ARHGEF3: variants seen among roughly 807,000 people sequenced by gnomAD.
ARHGEF3 encodes Rho guanine nucleotide exchange factor 3.
In ARHGEF3, 28 loss-of-function variants were observed where a neutral mutation model predicts 63.2. The ratio of observed to expected loss-of-function variants is 0.44; its 90% confidence interval spans 0.33 to 0.61. The LOEUF (loss-of-function observed/expected upper bound fraction) is 0.61, where lower values mean the gene tolerates loss of function less well. Ranked by LOEUF, ARHGEF3 falls within the 20% of genes least tolerant of loss-of-function variation. The probability of loss-of-function intolerance (pLI) is 0.03; values close to 1 mark genes in which losing one functional copy is unlikely to be tolerated. For synonymous variants in ARHGEF3, 266 were observed against 254.2 expected, an observed-to-expected ratio of 1.05 and a Z score of -0.44; for missense variants, 533 against 659.3, an observed-to-expected ratio of 0.81 and a Z score of 2.10.
chr3:56,838,078 A>G (rs768305143), intron 4 of ARHGEF3, among the ~76,000 whole-genome samples: 54 of 152,212 alleles, frequency 3.5e-4, no homozygotes, highest in Non-Finnish European at 6.6e-4. Flanking sequence ...TTAAAAATAA[A>G]AACAATGTAA....
At chr3:56,960,128 C>T (rs1449260138) in intron 2 of ARHGEF3, among the ~76,000 whole-genome samples, 2 of 151,366 alleles carry the variant, frequency 1.3e-5, no homozygotes, top group East Asian at 3.9e-4. Flanking sequence ...ATCTTGATTG[C>T]TCTACCATAC....
chr3:57,074,092 A>G (rs376428275), intron 1 of ARHGEF3: 17 of 1,613,934 alleles, frequency 1.1e-5, no homozygotes, highest in Non-Finnish European at 1.4e-5. Context: ...CTTGGTATGG[A>G]AGATGGGGAT....
intron 7 of ARHGEF3, among the ~76,000 whole-genome samples, chr3:56,738,536 A>G (rs1176091070): frequency 1.3e-5 from 2 of 152,152 alleles, no homozygotes; most frequent in Non-Finnish European, 1.5e-5. Flanking sequence ...TAATGGGAAA[A>G]AAGACACCAG....
chr3:56,933,718 A>G (rs896390037), intron 3 of ARHGEF3, among the ~76,000 whole-genome samples: 4 of 152,174 alleles, frequency 2.6e-5, no homozygotes, highest in African/African-American at 9.7e-5. Flanking sequence ...CCATGTCCCA[A>G]TGGAAAAATT....
At chr3:56,989,370 T>A (rs1201511493) in intron 2 of ARHGEF3, among the ~76,000 whole-genome samples, 1 of 152,100 alleles carries the variant, frequency 6.6e-6, no homozygotes, top group Non-Finnish European at 1.5e-5. Flanking sequence ...TACAAGTAAC[T>A]TGGGGAGAGC....
At chr3:56,861,422 T>C (rs2040067947) in intron 4 of ARHGEF3, among the ~76,000 whole-genome samples, 1 of 152,140 alleles carries the variant, frequency 6.6e-6, no homozygotes, top group African/African-American at 2.4e-5. Context: ...GCTCCTCAAA[T>C]GCTCAAAATT....
At chr3:56,939,647 C>T (rs1687514815) in intron 3 of ARHGEF3, 1 of 152,002 alleles carries the variant, frequency 6.6e-6, no homozygotes, top group Non-Finnish European at 1.5e-5. Flanking sequence ...GCTTGCCAAA[C>T]AGGCTGTTCT....
intron 2 of ARHGEF3, among the ~76,000 whole-genome samples, chr3:57,027,633 T>A (rs1703530152): frequency 6.6e-6 from 1 of 152,084 alleles, no homozygotes; most frequent in African/African-American, 2.4e-5. Context: ...GGTGGGTGGA[T>A]CACGTGAGGC....
Position 56,765,733 on chromosome 3 carries a change from C to T in ARHGEF3, c.204+7976G>A, listed in dbSNP as rs576346051. Reference sequence around the variant, plus strand: ...ACCCTTGCTAAGCAGCCTTCCTTGACGACCCCTCAGGCCATTGCTAAACTC... The same window carrying T: ...ACCCTTGCTAAGCAGCCTTCCTTGATGACCCCTCAGGCCATTGCTAAACTC... On this transcript the variant is annotated intron_variant, in intron 2 of 9. Coordinates refer to ENST00000296315, the MANE Select transcript of ARHGEF3 (RefSeq NM_019555.3). Among the ~76,000 whole-genome samples, 8 of 152,236 alleles carry T rather than the reference C, an allele frequency of 5.3e-5. No homozygotes were observed. The South Asian group carries it at 6.2e-4, about 12-fold the overall frequency.
chr3:56,761,355 C>T (rs1027005649), intron 2 of ARHGEF3, among the ~76,000 whole-genome samples: 3 of 152,218 alleles, frequency 2.0e-5, no homozygotes, highest in Admixed American at 1.3e-4. Flanking sequence ...GAAAAAAACT[C>T]CAAGAGGATG....
At chr3:56,788,289 A>G (rs11712455) in intron 1 of ARHGEF3, among the ~76,000 whole-genome samples, 5,759 of 152,216 alleles carry the variant, frequency 0.038, 158 homozygotes, top group Middle Eastern at 0.068. Context: ...AAGCTCCCCA[A>G]TGAAATTGCC....
chr3:57,002,284 T>A (rs186201510), intron 2 of ARHGEF3, among the ~76,000 whole-genome samples: 157 of 150,876 alleles, frequency 1.0e-3, no homozygotes, highest in African/African-American at 3.7e-3. Flanking sequence ...TTCTTAAGTA[T>A]CAGCAGTCAG....
At chr3:56,957,162 G>A (rs1469201951) in intron 3 of ARHGEF3, among the ~76,000 whole-genome samples, 1 of 152,216 alleles carries the variant, frequency 6.6e-6, no homozygotes, top group African/African-American at 2.4e-5. Flanking sequence ...GGAAGTGCAT[G>A]ACTTGCATTC....
rs1002440938 is a variant in ARHGEF3 at position 56,747,053 on chromosome 3, G to C, written c.613-1591C>G. Among the ~76,000 whole-genome samples the C allele has an allele frequency of 6.1e-5, 8 of 131,458 alleles. No homozygotes were observed. The Admixed American group carries it at 6.6e-4, about 11-fold the overall frequency. 86.2% of individuals were successfully genotyped at this position (131,458 alleles called of 152,430 possible). ...TGATAATTGGTACTTATACATGCGC[G>C]CACACACACACAGAGAGAGAGAGAG... On this transcript the variant is annotated intron_variant, in intron 6 of 9. Coordinates refer to ENST00000296315, the MANE Select transcript of ARHGEF3 (RefSeq NM_019555.3).
Position 56,737,197 on chromosome 3 carries a change from G to A in ARHGEF3, c.1029C>T (p.Asn343=), listed in dbSNP as rs1251519467. The change falls in exon 8 of 10, where the codon AAC becomes AAT. Residue 343 remains asparagine (N), a synonymous_variant. Coordinates refer to ENST00000296315, the MANE Select transcript of ARHGEF3 (RefSeq NM_019555.3). ...AGTAACTACTTACCACGCCCCGATT[G>A]TTCTTCAGTTCACCATGACAACACA... The part of the protein sequence containing the change: ...RVLCCHGELK[N]NRGVKLHVFL... 6.2e-7 allele frequency: 1 copy of A among 1,613,770 alleles called. No individual in the cohort carries two copies. Among genetic ancestry groups the A allele is most frequent in the Non-Finnish European group, 8.5e-7 (1 of 1,179,792 alleles).
intron 1 of ARHGEF3, among the ~76,000 whole-genome samples, chr3:57,064,275 A>G (rs1228151397): frequency 6.6e-6 from 1 of 152,256 alleles, no homozygotes; most frequent in Admixed American, 6.5e-5. Flanking sequence ...AAAAAACAAA[A>G]CAGAAAACCA....
intron 3 of ARHGEF3, among the ~76,000 whole-genome samples, chr3:56,934,203 G>A (rs984449574): frequency 1.1e-4 from 16 of 152,208 alleles, no homozygotes; most frequent in Non-Finnish European, 1.8e-4. Flanking sequence ...CTTCACCAAC[G>A]TTGTCCACAG....
chr3:57,018,985 GA>G (rs1179956396), intron 2 of ARHGEF3, among the ~76,000 whole-genome samples: 2,143 of 146,348 alleles, frequency 0.015, 67 homozygotes, highest in African/African-American at 0.049. Flanking sequence ...AGATTTTCCA[GA>G]AAAAAAAAAA....
At chr3:56,795,915 C>T (rs908314287) in intron 1 of ARHGEF3, among the ~76,000 whole-genome samples, 2 of 151,640 alleles carry the variant, frequency 1.3e-5, no homozygotes, top group East Asian at 1.9e-4. Flanking sequence ...GGACTACAGG[C>T]GTGAGCCACC....
Sources: allele counts gnomAD v4.1 joint callset (sites outside exome capture counted in the v4.1 genomes callset), GRCh38; gene constraint gnomAD v4.1.1; transcripts MANE v1.5; gene names NCBI Gene and HGNC (gene_info 2026-07-23, HGNC 2026-07-21).